METTL21A: variants seen among roughly 807,000 people sequenced by gnomAD.
METTL21A encodes protein N-lysine methyltransferase METTL21A.
In METTL21A, 22 loss-of-function variants were observed where a neutral mutation model predicts 20.9. That is an observed-to-expected ratio of 1.05 (90% CI 0.75 to 1.50). The LOEUF (loss-of-function observed/expected upper bound fraction) is 1.50. Ranked by LOEUF, METTL21A falls within the 40% of genes most tolerant of loss-of-function variation. The pLI is 0.00. For synonymous variants in METTL21A, 93 were observed against 102.0 expected, an observed-to-expected ratio of 0.91 and a Z score of 0.53; for missense variants, 271 against 266.8, an observed-to-expected ratio of 1.02 and a Z score of -0.11.
chr2:207,587,078 A>C (rs1356755239), intron 3 of METTL21A, among the ~76,000 whole-genome samples: 2 of 152,180 alleles, frequency 1.3e-5, no homozygotes, highest in East Asian at 3.8e-4. Context: ...CCATTACGGA[A>C]AACGGTGTGG....
At chr2:207,603,808 G>C (rs1306538204) in intron 3 of METTL21A, among the ~76,000 whole-genome samples, 1 of 152,156 alleles carries the variant, frequency 6.6e-6, no homozygotes, top group Non-Finnish European at 1.5e-5. Flanking sequence ...AAATTGGAAG[G>C]AAAGGGGAGG....
chr2:207,613,120 T>C lies in METTL21A; in HGVS notation c.583A>G (p.Lys195Glu), dbSNP rs775691259. 6 of 1,611,892 alleles carry C rather than the reference T, an allele frequency of 3.7e-6. No individual in the cohort carries two copies. In the East Asian group the frequency reaches 8.9e-5, roughly 24 times the overall value. The change falls in exon 4 of 4, where the codon AAG becomes GAG. Residue 195 changes from lysine to glutamate, a missense_variant. By Grantham distance (56) the Lys-to-Glu change is moderately conservative (BLOSUM62 1). Transcript: ENST00000406927. ...TCTTTTTCAGGATCGTAGTGAACCT[T>C]TCTCACAGTAAATTGCCTCTCCAGC... is the stretch of plus-strand genomic sequence containing the variant.
At chr2:207,604,518 A>T (rs1321485518), downstream of METTL21A, among the ~76,000 whole-genome samples, 1 of 152,176 alleles carries the variant, frequency 6.6e-6, no homozygotes, top group African/African-American at 2.4e-5. Context: ...ACCAAACCGG[A>T]TGAGAATTCT....
downstream of METTL21A, among the ~76,000 whole-genome samples, chr2:207,608,018 T>C (rs1038240602): frequency 3.9e-5 from 6 of 152,206 alleles, 1 homozygote; most frequent in African/African-American, 1.4e-4. Flanking sequence ...TTTCCCCAGC[T>C]TCCAGGAATG....
At chr2:207,585,841 C>T (rs1165638421) in intron 3 of METTL21A, among the ~76,000 whole-genome samples, 2 of 152,166 alleles carry the variant, frequency 1.3e-5, no homozygotes, top group East Asian at 3.9e-4. Flanking sequence ...GTCAAACACA[C>T]ACTAAAAAGG....
At chr2:207,592,995 T>C (rs2085379164) in intron 3 of METTL21A, among the ~76,000 whole-genome samples, 1 of 152,222 alleles carries the variant, frequency 6.6e-6, no homozygotes, top group Non-Finnish European at 1.5e-5. Context: ...ATTACAGTTA[T>C]AAATATGTTA....
intron 3 of METTL21A, among the ~76,000 whole-genome samples, chr2:207,596,639 G>A (rs2086226323): frequency 6.6e-6 from 1 of 152,144 alleles, no homozygotes; most frequent in Non-Finnish European, 1.5e-5. Context: ...CATCATGTTG[G>A]CCAGGCTGAT....
intron 2 of METTL21A, 116 bp downstream of exon 2, chr2:207,624,113 G>A: frequency 1.6e-6 from 2 of 1,240,784 alleles, no homozygotes; most frequent in Non-Finnish European, 1.1e-6. Flanking sequence ...ACTTTAAATA[G>A]GTAAAGTGTA....
downstream of METTL21A, among the ~76,000 whole-genome samples, chr2:207,604,327 C>T (rs1351974592): frequency 6.6e-6 from 1 of 152,186 alleles, no homozygotes; most frequent in African/African-American, 2.4e-5. Context: ...AACACAGGCC[C>T]AAGACAAACT....
chr2:207,624,088 C>G (rs1373517351), intron 2 of METTL21A, 141 bp downstream of exon 2: 1 of 1,004,380 alleles, frequency 1.0e-6, no homozygotes, highest in South Asian at 2.0e-5. Flanking sequence ...TTTTTAAAAC[C>G]GCACTGAATT....
chr2:207,606,276 T>C (rs2088082684), downstream of METTL21A, among the ~76,000 whole-genome samples: 1 of 151,922 alleles, frequency 6.6e-6, no homozygotes, highest in African/African-American at 2.4e-5. Flanking sequence ...AGGTCAGGAG[T>C]TCGAGACCAG....
chr2:207,619,393 T>C (rs2090199835), intron 3 of METTL21A, among the ~76,000 whole-genome samples: 1 of 152,114 alleles, frequency 6.6e-6, no homozygotes, highest in African/African-American at 2.4e-5. Flanking sequence ...CATTTCAAAA[T>C]CACTACCTAT....
At chr2:207,593,019 G>T (rs1267784245) in intron 3 of METTL21A, among the ~76,000 whole-genome samples, 1 of 152,154 alleles carries the variant, frequency 6.6e-6, no homozygotes, top group Non-Finnish European at 1.5e-5. Flanking sequence ...TGTTGGAGAC[G>T]GTCACACAGC....
downstream of METTL21A, among the ~76,000 whole-genome samples, chr2:207,606,267 G>C (rs188663981): frequency 1.6e-4 from 24 of 152,312 alleles, no homozygotes; most frequent in African/African-American, 5.3e-4. Context: ...GATCACCTGA[G>C]GTCAGGAGTT....
intron 3 of METTL21A, among the ~76,000 whole-genome samples, chr2:207,590,551 A>G (rs2084831182): frequency 1.3e-5 from 2 of 151,670 alleles, no homozygotes; most frequent in African/African-American, 4.8e-5. Flanking sequence ...ATTTTTTCCT[A>G]TTAATATATA....
At chr2:207,612,495 A>G (rs995116096), downstream of METTL21A, 2 of 152,104 alleles carry the variant, frequency 1.3e-5, no homozygotes, top group African/African-American at 4.8e-5. Context: ...GGCAAAAAGC[A>G]TGATATGAGA....
At chr2:207,606,454 C>T (rs2709395), downstream of METTL21A, among the ~76,000 whole-genome samples, 128,402 of 152,118 alleles carry the variant, frequency 0.84, 54,384 homozygotes, top group East Asian at 1. Flanking sequence ...TGCACTCCAG[C>T]CTGGGCGACA....
rs558573262 is a variant in METTL21A, at chr2:207,598,348, G to A, written c.260-16188C>T. 332 of 184,058 alleles carry A rather than the reference G, an allele frequency of 1.8e-3. 3 individuals carry two copies. The highest frequency in any genetic ancestry group is 7.3e-3 in the African/African-American group (312 of 42,698). The allele number at this position is 184,058 out of a possible 1,614,324, so 11.4% of individuals were successfully genotyped here. On this transcript the variant is annotated intron_variant, in intron 3 of 3. Coordinates refer to the METTL21A transcript ENST00000425132. ...TTCTGCTTTAGCTTTCCAATATGCT[G>A]TATAGCCTTTGTCATTTTATAATTT... is the stretch of plus-strand genomic sequence containing the variant.
At chr2:207,613,281 A>G in exon 4 of METTL21A, 1 of 1,614,100 alleles carries the variant, frequency 6.2e-7, no homozygotes, top group Non-Finnish European at 8.5e-7. Context: ...ATCAGCACCA[A>G]GTATCAGGTC....
Sources: gnomAD v4.1 joint callset for allele counts (sites outside exome capture counted in the v4.1 genomes callset) on GRCh38, gnomAD v4.1.1 for gene constraint, MANE v1.5 for transcripts, NCBI Gene and HGNC (gene_info 2026-07-23, HGNC 2026-07-21) for gene names.